The following CNTNAP2 variants were observed in gnomAD, a reference collection of about 807,000 sequenced individuals.
CNTNAP2 encodes contactin-associated protein-like 2.
CNTNAP2 carries 98 observed loss-of-function variants against 155.2 expected under a neutral mutation model. The observed-to-expected ratio is 0.63, with a 90% CI of 0.54 to 0.75. CNTNAP2 has a LOEUF of 0.75. Ranked by LOEUF, CNTNAP2 falls within the 30% of genes least tolerant of loss-of-function variation. CNTNAP2 has a pLI of 0.00. For synonymous variants in CNTNAP2, 651 were observed against 631.2 expected, an observed-to-expected ratio of 1.03 and a Z score of -0.47; for missense variants, 1,727 against 1,688.1, an observed-to-expected ratio of 1.02 and a Z score of -0.40.
chr7:148,300,100 G>T (rs572071261), intron 21 of CNTNAP2, among the ~76,000 whole-genome samples: 1 of 152,188 alleles, frequency 6.6e-6, no homozygotes. Flanking sequence ...AAATGGAAAA[G>T]GGAAAGCTGC....
At chr7:147,178,056 C>A (rs963683061) in intron 8 of CNTNAP2, among the ~76,000 whole-genome samples, 2 of 152,112 alleles carry the variant, frequency 1.3e-5, no homozygotes, top group Admixed American at 1.3e-4. Context: ...ATCCGCCCCC[C>A]CACCACGAAG....
intron 4 of CNTNAP2, among the ~76,000 whole-genome samples, chr7:147,053,084 T>C (rs1399781238): frequency 6.6e-6 from 1 of 152,112 alleles, no homozygotes; most frequent in Non-Finnish European, 1.5e-5. Flanking sequence ...AATGACTTCC[T>C]GGTCTGTACA....
intron 9 of CNTNAP2, among the ~76,000 whole-genome samples, chr7:147,329,156 A>C (rs1795511854): frequency 6.6e-6 from 1 of 151,786 alleles, no homozygotes; most frequent in Admixed American, 6.6e-5. Flanking sequence ...ACACACACAC[A>C]CACCCACGCA....
At chr7:146,479,977 G>T (rs573026497) in intron 1 of CNTNAP2, among the ~76,000 whole-genome samples, 2 of 152,114 alleles carry the variant, frequency 1.3e-5, no homozygotes, top group East Asian at 1.9e-4. Context: ...TAGATACGGG[G>T]TTTCACCAGG....
chr7:147,367,498 C>T (rs998514811), intron 9 of CNTNAP2, among the ~76,000 whole-genome samples: 1 of 152,142 alleles, frequency 6.6e-6, no homozygotes, highest in Non-Finnish European at 1.5e-5. Flanking sequence ...TGCTATAAGG[C>T]TAGTCCCAGC....
chr7:146,584,462 A>G (rs1382264222), intron 1 of CNTNAP2, among the ~76,000 whole-genome samples: 3 of 152,238 alleles, frequency 2.0e-5, no homozygotes, highest in African/African-American at 4.8e-5. Flanking sequence ...AATTTGGAAC[A>G]TGAGCTGGGG....
chr7:148,131,089 T>TC (rs1804823077), intron 16 of CNTNAP2, among the ~76,000 whole-genome samples: 3 of 123,358 alleles, frequency 2.4e-5, no homozygotes, highest in African/African-American at 6.2e-5. Flanking sequence ...TTCTTCTTCT[T>TC]TTTTTTTTTT....
chr7:146,777,260 G>A (rs560828790), intron 2 of CNTNAP2, among the ~76,000 whole-genome samples: 80 of 152,290 alleles, frequency 5.3e-4, no homozygotes, highest in Non-Finnish European at 9.7e-4. Context: ...GTGCAGCTAC[G>A]TACTTTTTGG....
In CNTNAP2 at chr7:146,462,060, C is replaced by T. The variant is rs912059378; in HGVS notation, c.98-312211C>T. Among the ~76,000 whole-genome samples, 38 of 152,100 alleles carry T rather than the reference C, an allele frequency of 2.5e-4. 1 individual carries two copies. The highest frequency in any genetic ancestry group is 8.4e-4 in the African/African-American group (35 of 41,500). ...TTTCATTGAAGAAACTTCTATTTGGCGTAGTGAAAAGACATATTCTCTGAG... is the reference window on the plus strand; with the variant it reads ...TTTCATTGAAGAAACTTCTATTTGGTGTAGTGAAAAGACATATTCTCTGAG... On this transcript the variant is annotated intron_variant, in intron 1 of 23. Transcript: ENST00000361727.
At chr7:146,312,407 T>G (rs1800840025) in intron 1 of CNTNAP2, among the ~76,000 whole-genome samples, 2 of 151,724 alleles carry the variant, frequency 1.3e-5, no homozygotes, top group Non-Finnish European at 2.9e-5. Flanking sequence ...TTTGGTGTGT[T>G]GGCGATTTTT....
intron 1 of CNTNAP2, among the ~76,000 whole-genome samples, chr7:146,747,770 C>T (rs1252424668): frequency 6.6e-6 from 1 of 152,072 alleles, no homozygotes; most frequent in Non-Finnish European, 1.5e-5. Flanking sequence ...AAATTTCTCC[C>T]AGGCAAGTCC....
chr7:148,131,889 T>G (rs1481653978), intron 16 of CNTNAP2, among the ~76,000 whole-genome samples: 1 of 151,688 alleles, frequency 6.6e-6, no homozygotes, highest in Non-Finnish European at 1.5e-5. Flanking sequence ...GGAGTAGAGC[T>G]TCATTTAAAT....
intron 1 of CNTNAP2, among the ~76,000 whole-genome samples, chr7:146,475,272 G>T (rs891822456): frequency 6.6e-6 from 1 of 152,170 alleles, no homozygotes; most frequent in African/African-American, 2.4e-5. Context: ...GCAGTGATTA[G>T]AAGAAACTTC....
chr7:147,257,535 T>C (rs1407687937), intron 8 of CNTNAP2, among the ~76,000 whole-genome samples: 1 of 152,198 alleles, frequency 6.6e-6, no homozygotes, highest in African/African-American at 2.4e-5. Flanking sequence ...AAACATTCCT[T>C]AGGCACAAAA....
intron 3 of CNTNAP2, among the ~76,000 whole-genome samples, chr7:146,962,738 A>G (rs12703866): frequency 0.23 from 35,463 of 152,028 alleles, 5,161 homozygotes; most frequent in Non-Finnish European, 0.32. Flanking sequence ...TTTAGTAGAG[A>G]CAGGGTTTTG....
chr7:147,711,514 C>T (rs1796399735), intron 13 of CNTNAP2, among the ~76,000 whole-genome samples: 2 of 152,164 alleles, frequency 1.3e-5, no homozygotes, highest in Non-Finnish European at 2.9e-5. Context: ...AAAAGCACTG[C>T]TCTATAGGAT....
intron 1 of CNTNAP2, among the ~76,000 whole-genome samples, chr7:146,306,971 T>G (rs1800724594): frequency 6.6e-6 from 1 of 152,174 alleles, no homozygotes; most frequent in African/African-American, 2.4e-5. Flanking sequence ...GTGTTGGAAG[T>G]TCTGGCCAGG....
intron 8 of CNTNAP2, among the ~76,000 whole-genome samples, chr7:147,164,353 C>T (rs914864316): frequency 2.0e-5 from 3 of 152,262 alleles, no homozygotes; most frequent in African/African-American, 4.8e-5. Context: ...ATGCATAAAC[C>T]AAGTAGTTAG....
At chr7:147,502,809 A>C (rs1798843080) in intron 11 of CNTNAP2, among the ~76,000 whole-genome samples, 1 of 151,516 alleles carries the variant, frequency 6.6e-6, no homozygotes, top group South Asian at 2.1e-4. Context: ...TTTATTTGTC[A>C]TGTGTACCTC....
Sources: allele counts gnomAD v4.1 joint callset (sites outside exome capture counted in the v4.1 genomes callset), GRCh38; gene constraint gnomAD v4.1.1; transcripts MANE v1.5; gene names NCBI Gene and HGNC (gene_info 2026-07-23, HGNC 2026-07-21).